The following CPA5 variants were observed in gnomAD, a reference collection of about 807,000 sequenced individuals.
CPA5 encodes the protein testicular tissue protein Li 32.
In CPA5, 38 loss-of-function variants were observed where a neutral mutation model predicts 52.2. The ratio of observed to expected loss-of-function variants is 0.73; its 90% confidence interval spans 0.56 to 0.95. The LOEUF (loss-of-function observed/expected upper bound fraction) is 0.95, where lower values mean the gene tolerates loss of function less well. Among genes scored for constraint, CPA5 ranks in the 40% least tolerant of loss-of-function variants. CPA5 has a pLI of 0.00. For synonymous variants in CPA5, 198 were observed against 213.7 expected, an observed-to-expected ratio of 0.93 and a Z score of 0.64; for missense variants, 519 against 566.7, an observed-to-expected ratio of 0.92 and a Z score of 0.86.
At chr7:130,367,258 A>C (rs1796140714) in intron 10 of CPA5, 114 bp from the exon 11 acceptor site, 2 of 852,928 alleles carry the variant, frequency 2.3e-6, no homozygotes, top group East Asian at 5.2e-5. Context: ...ACATGACCTC[A>C]GTCATACTGC....
intron 10 of CPA5, among the ~76,000 whole-genome samples, chr7:130,365,038 T>C (rs1339630115): frequency 1.3e-5 from 2 of 152,230 alleles, no homozygotes; most frequent in East Asian, 1.9e-4. Context: ...ATCAGACCTA[T>C]AGGCTGGTGT....
intron 8 of CPA5, 137 bp from the exon 9 acceptor site, chr7:130,362,747 C>G (rs139185474): frequency 0.021 from 13,554 of 651,810 alleles, 204 homozygotes; most frequent in Non-Finnish European, 0.026. Flanking sequence ...AAAATCCAAG[C>G]CTTTGGTTCT....
intron 9 of CPA5, 61 bp downstream of exon 9, chr7:130,363,055 C>A: frequency 9.4e-7 from 1 of 1,062,806 alleles, no homozygotes; most frequent in Non-Finnish European, 1.4e-6. Context: ...GAGAAAAGGT[C>A]ACTGTGCTTT....
At position 130,362,588 on chromosome 7, in the gene CPA5, T is replaced by TG. The variant is rs782204512; in HGVS notation, c.636+54dup. 21 of 1,357,230 alleles carry TG rather than the reference T, an allele frequency of 1.5e-5. No individual in the cohort carries two copies. In the East Asian group the frequency reaches 3.9e-4, roughly 25 times the overall value. 84.1% of individuals were successfully genotyped at this position (1,357,230 alleles called of 1,614,324 possible). On this transcript the variant is annotated intron_variant, in intron 8 of 12. Coordinates refer to ENST00000474905, the MANE Select transcript of CPA5 (RefSeq NM_080385.5). ...GTGCACCCACGATGGGGGCTGCAAC[T>TG]GGGGGCAGGAACTTACTATTTAAGG...
chr7:130,357,952 CTGTG>C lies in CPA5; in HGVS notation c.334-1599_334-1596del, dbSNP rs60840017. The stretch of plus-strand genomic sequence containing the variant: ...TGTGTATGTGTGTGTTTTTGTGCCT[CTGTG>C]TGTGTGTGTGTGTGTGTGTGTGTGT... On this transcript the variant is annotated intron_variant, in intron 5 of 12. Transcript: ENST00000474905. 5.0e-3 allele frequency among the ~76,000 whole-genome samples: 703 copies of C among 140,012 alleles called. 6 individuals carry two copies. Among genetic ancestry groups the C allele is most frequent in the African/African-American group, 0.015 (578 of 37,684 alleles). The allele number at this position is 140,012 out of a possible 152,430, so 91.9% of individuals were successfully genotyped here.
At chr7:130,347,254 GAAGGA>G (rs1285093087) in intron 3 of CPA5, among the ~76,000 whole-genome samples, 1 of 152,194 alleles carries the variant, frequency 6.6e-6, no homozygotes, top group Non-Finnish European at 1.5e-5. Flanking sequence ...CCTCCATCGG[GAAGGA>G]AAGGAGCTCA....
intron 3 of CPA5, 23 bp from the exon 4 acceptor site, chr7:130,347,743 C>T (rs368584098): frequency 1.9e-4 from 308 of 1,600,730 alleles, no homozygotes; most frequent in Middle Eastern, 9.9e-4. Flanking sequence ...CAGCTTCCTC[C>T]GCCCCTCCCT....
In CPA5 at chr7:130,367,471, A is replaced by G. The variant is rs1554408838; in HGVS notation, c.938A>G (p.His313Arg). ...VAAIVNFITA[H>R]GNFKALISIH... Reference sequence around the variant, plus strand: ...GCCATAGTGAACTTCATCACAGCCCATGGCAACTTCAAGGCTCTGATCTCC... The same window carrying G: ...GCCATAGTGAACTTCATCACAGCCCGTGGCAACTTCAAGGCTCTGATCTCC... Residue 313 changes from histidine (H) to arginine (R), a missense_variant, in exon 11 of 13, where the codon CAT (histidine) becomes CGT (arginine). Physicochemically the swap from His to Arg is conservative, Grantham distance 29. Transcript: ENST00000474905. 6.2e-7 allele frequency: 1 copy of G among 1,614,112 alleles called. No homozygotes were observed. Among genetic ancestry groups the G allele is most frequent in the Non-Finnish European group, 8.5e-7 (1 of 1,180,032 alleles).
intron 5 of CPA5, among the ~76,000 whole-genome samples, chr7:130,351,794 C>T (rs919516122): frequency 1.3e-5 from 2 of 152,108 alleles, no homozygotes; most frequent in South Asian, 2.1e-4. Flanking sequence ...TGCACGGGCC[C>T]GATTGTCTCC....
At chr7:130,355,677 G>A (rs547872455) in intron 5 of CPA5, among the ~76,000 whole-genome samples, 27 of 152,320 alleles carry the variant, frequency 1.8e-4, no homozygotes, top group African/African-American at 6.0e-4. Flanking sequence ...CCAAAGTGCT[G>A]GGATTACAGG....
In CPA5 at chr7:130,346,409, T is replaced by A; in HGVS notation, c.-77T>A. 9.2e-7 allele frequency: 1 copy of A among 1,081,956 alleles called. No homozygotes were observed. Among genetic ancestry groups the A allele is most frequent in the South Asian group, 1.5e-5 (1 of 66,860 alleles). The allele number at this position is 1,081,956 out of a possible 1,614,324, so 67.0% of individuals were successfully genotyped here. A position where few individuals can be genotyped will look rare whatever the true frequency, so the allele number is the denominator to read the frequency against. On this transcript the variant is annotated 5_prime_UTR_variant, in exon 3 of 13. Transcript: ENST00000474905. ...CTTTCTCAGGCTGGGCTTTCCAGCC[T>A]CTAGGTGCTGTGCTGTCCTGAGGCC...
intron 5 of CPA5, among the ~76,000 whole-genome samples, 200 bp downstream of exon 5, chr7:130,350,309 A>G (rs1795051907): frequency 6.6e-6 from 1 of 152,174 alleles, no homozygotes; most frequent in African/African-American, 2.4e-5. Context: ...TGGGGGAAGC[A>G]CTCACAGTGT....
downstream of CPA5, chr7:130,368,825 TG>T: frequency 1.8e-6 from 1 of 561,112 alleles, no homozygotes; most frequent in Non-Finnish European, 3.1e-6. Flanking sequence ...GCCTGAAATG[TG>T]GGGGAAGCCT....
chr7:130,364,018 C>T (rs1405211144), intron 10 of CPA5, among the ~76,000 whole-genome samples: 8 of 152,014 alleles, frequency 5.3e-5, no homozygotes, highest in African/African-American at 1.9e-4. Context: ...TAGAATTAAC[C>T]ACTTTTTTTT....
At chr7:130,366,903 C>T (rs1289362313) in intron 10 of CPA5, among the ~76,000 whole-genome samples, 1 of 152,220 alleles carries the variant, frequency 6.6e-6, no homozygotes, top group African/African-American at 2.4e-5. Flanking sequence ...GAGGGGGCTC[C>T]CTGCAGGGCT....
intron 3 of CPA5, among the ~76,000 whole-genome samples, chr7:130,346,885 A>G (rs1369119075): frequency 6.6e-6 from 1 of 152,088 alleles, no homozygotes; most frequent in Non-Finnish European, 1.5e-5. Flanking sequence ...TTCCTATACA[A>G]CAGGGGCTTC....
At chr7:130,365,623 G>A (rs1449549565) in intron 10 of CPA5, among the ~76,000 whole-genome samples, 2 of 152,262 alleles carry the variant, frequency 1.3e-5, no homozygotes, top group Non-Finnish European at 2.9e-5. Context: ...GACCTTGACT[G>A]TGAACGTCAG....
At chr7:130,359,282 A>G (rs78305530) in intron 5 of CPA5, among the ~76,000 whole-genome samples, 79 of 152,338 alleles carry the variant, frequency 5.2e-4, no homozygotes, top group Non-Finnish European at 1.0e-3. Context: ...CCAATTTTCA[A>G]GCTGAGGAAA....
intron 10 of CPA5, among the ~76,000 whole-genome samples, chr7:130,367,116 T>C (rs1300014120): frequency 6.6e-6 from 1 of 152,012 alleles, no homozygotes; most frequent in Non-Finnish European, 1.5e-5. Context: ...GCTGTTTCTA[T>C]CTAGAATTTT....
Sources: gnomAD v4.1 joint callset for allele counts (sites outside exome capture counted in the v4.1 genomes callset) on GRCh38, gnomAD v4.1.1 for gene constraint, MANE v1.5 for transcripts, NCBI Gene and HGNC (gene_info 2026-07-23, HGNC 2026-07-21) for gene names.